Variants in MARK3 observed in about 807,000 individuals in gnomAD.
MARK3 encodes the protein microtubule affinity regulating kinase 3, also known as MAP/microtubule affinity-regulating kinase 3.
Under a neutral mutation model 90.1 loss-of-function variants are expected in MARK3, and 46 were observed. The ratio of observed to expected loss-of-function variants is 0.51; its 90% confidence interval spans 0.40 to 0.65. MARK3 has a LOEUF of 0.65. Ranked by LOEUF, MARK3 falls within the 30% of genes least tolerant of loss-of-function variation. The probability of loss-of-function intolerance (pLI) is 0.00; values close to 1 mark genes in which losing one functional copy is unlikely to be tolerated. For synonymous variants in MARK3, 321 were observed against 332.6 expected (o/e 0.97, Z 0.38); for missense variants, 818 against 947.2 (o/e 0.86, Z 1.79).
At chr14:103,408,101 A>G (rs1050226250) in intron 2 of MARK3, among the ~76,000 whole-genome samples, 69 of 152,026 alleles carry the variant, frequency 4.5e-4, no homozygotes, top group African/African-American at 1.6e-3. Context: ...TCTGTAGGGG[A>G]AGATGACAGA....
chr14:103,427,164 C>T (rs1340165310), intron 2 of MARK3, among the ~76,000 whole-genome samples: 9 of 145,216 alleles, frequency 6.2e-5, no homozygotes, highest in African/African-American at 2.3e-4. Flanking sequence ...CCCCAATTTT[C>T]TTTTTTTTTT....
chr14:103,498,523 C>A lies in MARK3; in HGVS notation c.1866C>A (p.Ile622=). ...TTAGAAACATGTCATTCAGGTTTAT[C>A]AAAAGGTAGGATTTATATATACACA... ...LTRRNMSFRF[I]KRLPTEYERN... is the part of the protein sequence containing the mutation. The change falls in exon 16 of 18, where the codon ATC becomes ATA. Residue 622 remains isoleucine, a synonymous_variant. Coordinates refer to ENST00000429436, the MANE Select transcript of MARK3 (RefSeq NM_001128918.3). The A allele has an allele frequency of 7.5e-7, 1 of 1,341,562 alleles. No homozygotes were observed. Among genetic ancestry groups the A allele is most frequent in the Non-Finnish European group, 9.6e-7 (1 of 1,041,108 alleles). 83.1% of individuals were successfully genotyped at this position (1,341,562 alleles called of 1,614,324 possible).
At chr14:103,435,083 GA>G (rs956907025) in intron 3 of MARK3, among the ~76,000 whole-genome samples, 5 of 152,164 alleles carry the variant, frequency 3.3e-5, no homozygotes, top group African/African-American at 9.7e-5. Context: ...CTTATAATTT[GA>G]AAGCAAGGAG....
At chr14:103,398,603 G>A (rs2090740289) in intron 1 of MARK3, among the ~76,000 whole-genome samples, 1 of 152,158 alleles carries the variant, frequency 6.6e-6, no homozygotes, top group Non-Finnish European at 1.5e-5. Flanking sequence ...AAACTTCCGG[G>A]TTTAAGCAAG....
At chr14:103,488,253 G>T (rs1348876673) in intron 14 of MARK3, among the ~76,000 whole-genome samples, 1 of 152,056 alleles carries the variant, frequency 6.6e-6, no homozygotes, top group Non-Finnish European at 1.5e-5. Context: ...TAGAGTTACG[G>T]TCCATCTGCT....
intron 15 of MARK3, among the ~76,000 whole-genome samples, chr14:103,497,834 G>C (rs1418557871): frequency 6.6e-6 from 1 of 152,102 alleles, no homozygotes; most frequent in Non-Finnish European, 1.5e-5. Context: ...TGTTCATAAG[G>C]TATTCTGAAG....
chr14:103,393,143 G>T (rs138988595), intron 1 of MARK3, among the ~76,000 whole-genome samples: 1 of 152,290 alleles, frequency 6.6e-6, no homozygotes, highest in African/African-American at 2.4e-5. Flanking sequence ...ACCATGCCCA[G>T]CTGATTTTTT....
At chr14:103,467,548 G>A in intron 11 of MARK3, 1 of 165,176 alleles carries the variant, frequency 6.1e-6, no homozygotes. Flanking sequence ...GTTGGCGCTT[G>A]CCTGTAATCC....
intron 2 of MARK3, among the ~76,000 whole-genome samples, chr14:103,411,549 T>TG (rs2091631404): frequency 6.6e-6 from 1 of 152,140 alleles, no homozygotes; most frequent in South Asian, 2.1e-4. Flanking sequence ...ACCCATACTG[T>TG]GGTGTTTTTA....
chr14:103,455,615 C>T lies in MARK3; in HGVS notation c.413-1527C>T, dbSNP rs1390219458. ...TGGTGACGCACGCCTGTAATCCCAG[C>T]TACTCAGGAGGCTGAGGCACGAGAA... On this transcript the variant is annotated intron_variant, in intron 5 of 17. Transcript: ENST00000429436. Among the ~76,000 whole-genome samples the T allele has an allele frequency of 2.0e-5, 3 of 151,676 alleles. No homozygotes were observed. In the East Asian group the frequency reaches 5.8e-4, roughly 29 times the overall value.
At chr14:103,400,544 C>T (rs1028276787) in intron 1 of MARK3, among the ~76,000 whole-genome samples, 1 of 152,056 alleles carries the variant, frequency 6.6e-6, no homozygotes, top group Non-Finnish European at 1.5e-5. Flanking sequence ...TCATTTAATC[C>T]ATAAGAATTA....
At chr14:103,398,028 G>A (rs1478228773) in intron 1 of MARK3, among the ~76,000 whole-genome samples, 1 of 152,114 alleles carries the variant, frequency 6.6e-6, no homozygotes, top group Non-Finnish European at 1.5e-5. Flanking sequence ...TATTACATAT[G>A]TCTTATCTGT....
chr14:103,472,035 C>T (rs553264021), intron 12 of MARK3, among the ~76,000 whole-genome samples: 1 of 151,104 alleles, frequency 6.6e-6, no homozygotes, highest in African/African-American at 2.4e-5. Flanking sequence ...ATGGTGAAAC[C>T]CTGTCTCTAC....
At chr14:103,407,357 A>ACTT (rs2091363749) in intron 2 of MARK3, among the ~76,000 whole-genome samples, 1 of 152,112 alleles carries the variant, frequency 6.6e-6, no homozygotes, top group African/African-American at 2.4e-5. Flanking sequence ...TATCTTCAAG[A>ACTT]AGTTTCTTAA....
intron 15 of MARK3, among the ~76,000 whole-genome samples, chr14:103,492,539 A>T (rs1386825037): frequency 6.6e-6 from 1 of 152,230 alleles, no homozygotes; most frequent in African/African-American, 2.4e-5. Context: ...AGTAATTTAT[A>T]TTGAGAGCAA....
At chr14:103,438,883 G>A (rs893208608) in intron 3 of MARK3, among the ~76,000 whole-genome samples, 3 of 151,886 alleles carry the variant, frequency 2.0e-5, no homozygotes, top group Non-Finnish European at 4.4e-5. Flanking sequence ...AGCTACTTAG[G>A]GGGCTGAGGC....
chr14:103,398,120 G>A (rs528568791), intron 1 of MARK3, among the ~76,000 whole-genome samples: 7 of 152,236 alleles, frequency 4.6e-5, no homozygotes. Flanking sequence ...CTCGCCAGAG[G>A]TGCACATGTT....
chr14:103,448,662 T>G (rs1279566840), intron 3 of MARK3, among the ~76,000 whole-genome samples: 4 of 152,130 alleles, frequency 2.6e-5, no homozygotes, highest in Non-Finnish European at 5.9e-5. Flanking sequence ...AAATTCAGAG[T>G]ATGTTACCAT....
chr14:103,419,405 T>A (rs2092109542), intron 2 of MARK3, among the ~76,000 whole-genome samples: 1 of 152,236 alleles, frequency 6.6e-6, no homozygotes, highest in Non-Finnish European at 1.5e-5. Context: ...TTAAAATATA[T>A]ATTAATTCAT....
Sources: gnomAD v4.1 joint callset for allele counts (sites outside exome capture counted in the v4.1 genomes callset) on GRCh38, gnomAD v4.1.1 for gene constraint, MANE v1.5 for transcripts, NCBI Gene and HGNC (gene_info 2026-07-23, HGNC 2026-07-21) for gene names.